The following WDTC1 variants were observed in gnomAD, a reference collection of about 807,000 sequenced individuals.
The protein encoded by WDTC1 is WD and tetratricopeptide repeats 1.
Under a neutral mutation model 76.0 loss-of-function variants are expected in WDTC1, and 12 were observed. That is an observed-to-expected ratio of 0.16 (90% CI 0.10 to 0.26). The LOEUF is 0.26. Among genes scored for constraint, WDTC1 ranks in the 10% least tolerant of loss-of-function variants. The probability of loss-of-function intolerance (pLI) is 1.00; values close to 1 mark genes in which losing one functional copy is unlikely to be tolerated. For missense variants in WDTC1, 511 were observed against 908.8 expected (o/e 0.56, Z 5.63); for synonymous variants, 326 against 350.8 (o/e 0.93, Z 0.79).
intron 12 of WDTC1, among the ~76,000 whole-genome samples, chr1:27,299,354 A>G (rs982331146): frequency 2.6e-5 from 4 of 152,100 alleles, no homozygotes; most frequent in Non-Finnish European, 5.9e-5. Context: ...AGTCTTGTGA[A>G]TGGTCAGGTA....
intron 3 of WDTC1, among the ~76,000 whole-genome samples, chr1:27,277,540 TC>T (rs1450988528): frequency 1.3e-5 from 2 of 152,094 alleles, no homozygotes; most frequent in East Asian, 3.9e-4. Context: ...CAAGTGATCT[TC>T]CTGTCTTAGT....
chr1:27,261,665 A>G (rs780659907), intron 2 of WDTC1, among the ~76,000 whole-genome samples: 11 of 152,202 alleles, frequency 7.2e-5, no homozygotes, highest in Non-Finnish European at 1.6e-4. Context: ...GGAGCCATAG[A>G]GGTTTAATGC....
At position 27,304,986 on chromosome 1, in the gene WDTC1, T is replaced by C; in HGVS notation, c.1644-15T>C. The C allele has an allele frequency of 4.4e-6, 7 of 1,606,848 alleles. No individual in the cohort carries two copies. The highest frequency in any genetic ancestry group is 6.0e-6 in the Non-Finnish European group (7 of 1,175,026). Reference sequence around the variant, plus strand: ...GTACCCCACCTGACCTCCCTGCCCTTTGCCCCCCCGCCAGCAACGCTCAGT... The same window carrying C: ...GTACCCCACCTGACCTCCCTGCCCTCTGCCCCCCCGCCAGCAACGCTCAGT... On this transcript the variant is annotated splice_polypyrimidine_tract_variant and intron_variant, in intron 14 of 15. Transcript: ENST00000319394.
chr1:27,298,825 C>T (rs990705282), intron 12 of WDTC1, among the ~76,000 whole-genome samples: 3 of 151,832 alleles, frequency 2.0e-5, no homozygotes, highest in African/African-American at 4.8e-5. Flanking sequence ...ATTTCTGCTC[C>T]GTCTGGCATC....
In WDTC1 at chr1:27,306,341, TGAG is replaced by T. The variant is rs2013955271; in HGVS notation, c.1995_1997del (p.Glu665del). On this transcript the variant is annotated inframe_deletion, in exon 16 of 16. Transcript: ENST00000319394. This position sits in a 1 kb window ranked among gnomAD's most constrained non-coding sequence, Gnocchi z 5.0. ...GTGGGGGTGCCGGGGCCTCTGATGA[TGAG>T]GACAGCTCTGAGGGCCAGGTGCAGT... 1 of 1,613,604 alleles carries T rather than the reference TGAG, an allele frequency of 6.2e-7. No homozygotes were observed. Among genetic ancestry groups the T allele is most frequent in the African/African-American group, 1.3e-5 (1 of 74,886 alleles).
intron 5 of WDTC1, among the ~76,000 whole-genome samples, chr1:27,286,803 GAA>G (rs2147967910): frequency 6.6e-6 from 1 of 152,150 alleles, no homozygotes; most frequent in South Asian, 2.1e-4. Flanking sequence ...TCAAAAACTA[GAA>G]ATTGTTTTTA....
At chr1:27,262,480 C>T (rs1239710669) in intron 2 of WDTC1, among the ~76,000 whole-genome samples, 1 of 151,938 alleles carries the variant, frequency 6.6e-6, no homozygotes, top group Non-Finnish European at 1.5e-5. Flanking sequence ...CCTCCACCTC[C>T]CAGGTTCAAG....
chr1:27,269,681 C>T (rs1416097934), intron 3 of WDTC1, among the ~76,000 whole-genome samples: 1 of 125,852 alleles, frequency 7.9e-6, no homozygotes, highest in Non-Finnish European at 1.6e-5. Context: ...GTGGCACAAT[C>T]TTGGCTTACT....
At chr1:27,253,429 C>G (rs1293428707) in intron 1 of WDTC1, among the ~76,000 whole-genome samples, 1 of 119,368 alleles carries the variant, frequency 8.4e-6, no homozygotes, top group African/African-American at 3.1e-5. Context: ...CTCCCTCCTC[C>G]CTCCTCCTCC....
At chr1:27,248,673 T>G (rs189488754) in intron 1 of WDTC1, among the ~76,000 whole-genome samples, 126 of 152,294 alleles carry the variant, frequency 8.3e-4, no homozygotes, top group African/African-American at 3.0e-3. Context: ...ATTATTATTT[T>G]TTTTTATTCA....
intron 5 of WDTC1, 80 bp from the exon 6 acceptor site, chr1:27,287,594 G>A (rs1570974609): frequency 1.4e-6 from 2 of 1,448,328 alleles, no homozygotes; most frequent in Non-Finnish European, 1.9e-6. Flanking sequence ...AGAGAAAAGG[G>A]TGCAGACATC....
chr1:27,305,050 T>C lies in WDTC1; in HGVS notation c.1693T>C (p.Trp565Arg). 6.2e-7 allele frequency: 1 copy of C among 1,613,956 alleles called. No individual in the cohort carries two copies. The highest frequency in any genetic ancestry group is 2.2e-5 in the East Asian group (1 of 44,870). ...SGSDDGSFFI[W>R]EKETTNLVRV... ...CTCTGACGATGGCTCCTTCTTCATC[T>C]GGGAAAAGGAGACCACCAACCTGGT... is the stretch of plus-strand genomic sequence containing the variant. Residue 565 changes from tryptophan to arginine, a missense_variant, in exon 15 of 16, where the codon TGG becomes CGG. By Grantham distance (101) the Trp-to-Arg change is moderately radical. Transcript: ENST00000319394. This position sits in a 1 kb window ranked among gnomAD's most constrained non-coding sequence, Gnocchi z 4.6.
At position 27,234,763 on chromosome 1, in the gene WDTC1, G is replaced by A. The variant is rs1356104517; in HGVS notation, c.-288G>A. The A allele has an allele frequency of 5.0e-6, 2 of 399,192 alleles. No individual in the cohort carries two copies. Among genetic ancestry groups the A allele is most frequent in the South Asian group, 1.3e-4 (1 of 7,892 alleles). 24.7% of individuals were successfully genotyped at this position (399,192 alleles called of 1,614,324 possible). ...CGGGTGTGAGGCGGTGCGCAGGGGC[G>A]GGCGGAGGCGCTGTCCGGCCCCGGC... On this transcript the variant is annotated 5_prime_UTR_variant, in exon 1 of 16. Transcript: ENST00000319394.
At chr1:27,273,495 A>C (rs1418156780) in intron 3 of WDTC1, among the ~76,000 whole-genome samples, 2 of 152,140 alleles carry the variant, frequency 1.3e-5, no homozygotes, top group Non-Finnish European at 2.9e-5. Flanking sequence ...GGCGTGAGCC[A>C]CCGTGCCCGG....
chr1:27,283,528 G>A (rs1313776647), intron 5 of WDTC1, 79 bp downstream of exon 5: 2 of 1,327,648 alleles, frequency 1.5e-6, no homozygotes, highest in African/African-American at 2.9e-5. Flanking sequence ...ACGCCATGTT[G>A]GTATGTGTGT....
At position 27,245,658 on chromosome 1, in the gene WDTC1, C is replaced by T. The variant is rs979118717; in HGVS notation, c.-100+10707C>T. 3.3e-5 allele frequency among the ~76,000 whole-genome samples: 5 copies of T among 151,322 alleles called. 1 individual carries two copies. The highest frequency in any genetic ancestry group is 9.8e-5 in the African/African-American group (4 of 40,772). ...AATCTCGGCTCACTGCAACCTCCGCCTCCCGGGTTCAGACGATTCTCCTGC... is the reference window on the plus strand; with the variant it reads ...AATCTCGGCTCACTGCAACCTCCGCTTCCCGGGTTCAGACGATTCTCCTGC... On this transcript the variant is annotated intron_variant, in intron 1 of 15. Transcript: ENST00000319394.
intron 12 of WDTC1, among the ~76,000 whole-genome samples, chr1:27,299,744 A>T (rs1310285085): frequency 2.0e-5 from 3 of 152,050 alleles, no homozygotes; most frequent in Non-Finnish European, 2.9e-5. Context: ...TCTGAGCAGG[A>T]GAGGGATGTG....
intron 1 of WDTC1, among the ~76,000 whole-genome samples, chr1:27,246,405 T>C (rs1162958468): frequency 1.3e-5 from 2 of 152,192 alleles, no homozygotes; most frequent in African/African-American, 4.8e-5. Context: ...TAGTACCTCA[T>C]TCCTTTTTAT....
rs761300650 is a variant in WDTC1, at chr1:27,292,344, G to T, written c.609G>T (p.Gly203=). The T allele has an allele frequency of 1.2e-6, 2 of 1,611,628 alleles. No individual in the cohort carries two copies. The highest frequency in any genetic ancestry group is 8.5e-7 in the Non-Finnish European group (1 of 1,178,770). Residue 203 remains glycine, a synonymous_variant, in exon 7 of 16, where the codon GGG becomes GGT. Transcript: ENST00000319394. ...NPQDNNCLAV[G]ASGPFVRLYD... ...AGGACAACAACTGCCTGGCAGTTGG[G>T]GCCAGCGGGCCCTTCGTGAGGCTCT...
Sources: allele counts gnomAD v4.1 joint callset (sites outside exome capture counted in the v4.1 genomes callset), GRCh38; gene constraint gnomAD v4.1.1; non-coding constraint Gnocchi (gnomAD v3.1); transcripts MANE v1.5; gene names NCBI Gene and HGNC (gene_info 2026-07-23, HGNC 2026-07-21).